Variants in FBXL7 observed in about 807,000 individuals in gnomAD.
FBXL7 encodes F-box/LRR-repeat protein 7.
In FBXL7, 12 loss-of-function variants were observed where a neutral mutation model predicts 38.3. The observed-to-expected ratio is 0.31, with a 90% CI of 0.20 to 0.51. The LOEUF is 0.51. Among genes scored for constraint, FBXL7 ranks in the 20% least tolerant of loss-of-function variants. The pLI, the probability that FBXL7 is intolerant of heterozygous loss-of-function variation, is 0.98. For missense variants in FBXL7, 567 were observed against 676.4 expected (o/e 0.84, Z 1.79); for synonymous variants, 297 against 300.9 (o/e 0.99, Z 0.13).
chr5:15,717,800 A>G lies in FBXL7; in HGVS notation c.127+101728A>G, dbSNP rs576752618. Among the ~76,000 whole-genome samples the G allele has an allele frequency of 9.8e-5, 15 of 152,330 alleles. 1 individual carries two copies. The East Asian group carries it at 2.7e-3, about 27-fold the overall frequency. On this transcript the variant is annotated intron_variant, in intron 2 of 3. Coordinates refer to ENST00000504595, the MANE Select transcript of FBXL7 (RefSeq NM_012304.5). ...TGCCCTGAGCTCTTAAAAAATGCCA[A>G]TGTCATGAAAGATAGAAGAGCCCGG... is the stretch of plus-strand genomic sequence containing the variant.
In FBXL7 at chr5:15,583,740, A is replaced by G. The variant is rs936508044; in HGVS notation, c.38-32243A>G. Among the ~76,000 whole-genome samples the G allele has an allele frequency of 1.6e-4, 24 of 152,262 alleles. No homozygotes were observed. The East Asian group carries it at 4.6e-3, about 29-fold the overall frequency. ...GCAGCATTTCCTGGCACATGATGCA[A>G]GCTGTTGGTGGATCTACCATTCTGG... On this transcript the variant is annotated intron_variant, in intron 1 of 3. Coordinates refer to ENST00000504595, the MANE Select transcript of FBXL7 (RefSeq NM_012304.5).
chr5:15,528,389 A>G (rs959428445), intron 1 of FBXL7, among the ~76,000 whole-genome samples: 2 of 152,086 alleles, frequency 1.3e-5, no homozygotes, highest in Non-Finnish European at 2.9e-5. Context: ...CACATTCTGT[A>G]TTGGTCCATT....
intron 2 of FBXL7, among the ~76,000 whole-genome samples, chr5:15,905,918 G>A (rs899898589): frequency 6.6e-6 from 1 of 151,926 alleles, no homozygotes; most frequent in South Asian, 2.1e-4. Flanking sequence ...CTTCCTGGAG[G>A]GAACAGGAAG....
chr5:15,872,565 C>CAA, intron 2 of FBXL7, among the ~76,000 whole-genome samples: 1 of 151,816 alleles, frequency 6.6e-6, no homozygotes, highest in South Asian at 2.1e-4. Context: ...CACATAGGCT[C>CAA]AAAATAAGCA....
intron 1 of FBXL7, among the ~76,000 whole-genome samples, chr5:15,561,467 TG>T (rs1361603469): frequency 2.0e-5 from 3 of 152,200 alleles, no homozygotes; most frequent in Non-Finnish European, 4.4e-5. Flanking sequence ...CATCCGCTGA[TG>T]GATATTTAGG....
At chr5:15,763,713 G>A (rs1736512680) in intron 2 of FBXL7, among the ~76,000 whole-genome samples, 1 of 152,166 alleles carries the variant, frequency 6.6e-6, no homozygotes, top group Non-Finnish European at 1.5e-5. Context: ...AAAACAAAAT[G>A]CGTGATGTTC....
chr5:15,891,871 C>T lies in FBXL7; in HGVS notation c.128-36019C>T, dbSNP rs189194474. Among the ~76,000 whole-genome samples, 10 of 152,248 alleles carry T rather than the reference C, an allele frequency of 6.6e-5. No homozygotes were observed. In the East Asian group the frequency reaches 7.7e-4, roughly 12 times the overall value. On this transcript the variant is annotated intron_variant, in intron 2 of 3. Coordinates refer to ENST00000504595, the MANE Select transcript of FBXL7 (RefSeq NM_012304.5). ...CTGAAGGGGCAGAGGGAGAGAGTGGCGGTGTTGGAACTTAGCAAGAGCTGT... is the reference window on the plus strand; with the variant it reads ...CTGAAGGGGCAGAGGGAGAGAGTGGTGGTGTTGGAACTTAGCAAGAGCTGT...
At chr5:15,867,679 C>T (rs1739773509) in intron 2 of FBXL7, among the ~76,000 whole-genome samples, 1 of 152,152 alleles carries the variant, frequency 6.6e-6, no homozygotes, top group Non-Finnish European at 1.5e-5. Context: ...ATCTTGATTA[C>T]TTAAGTGGGC....
intron 2 of FBXL7, among the ~76,000 whole-genome samples, chr5:15,673,896 A>G (rs1742567644): frequency 6.6e-6 from 1 of 152,196 alleles, no homozygotes; most frequent in South Asian, 2.1e-4. Flanking sequence ...ATGTGACTCA[A>G]AGACAACTTA....
intron 2 of FBXL7, among the ~76,000 whole-genome samples, chr5:15,843,488 G>A (rs257768): frequency 0.58 from 88,280 of 151,936 alleles, 25,964 homozygotes; most frequent in Middle Eastern, 0.64. Flanking sequence ...CTTTCCTTCT[G>A]TTTGGTTGAG....
chr5:15,783,323 G>T lies in FBXL7; in HGVS notation c.128-144567G>T, dbSNP rs142197246. Among the ~76,000 whole-genome samples the T allele has an allele frequency of 3.3e-5, 5 of 152,296 alleles. No homozygotes were observed. In the East Asian group the frequency reaches 9.7e-4, roughly 29 times the overall value. ...AGGAGGGGAGGCAGGGACCTGCATG[G>T]TGCAGTTCCTGGAAATGAGAAGGTC... On this transcript the variant is annotated intron_variant, in intron 2 of 3. Transcript: ENST00000504595.
chr5:15,855,824 C>T lies in FBXL7; in HGVS notation c.128-72066C>T, dbSNP rs112335277. 5.1e-3 allele frequency among the ~76,000 whole-genome samples: 770 copies of T among 152,206 alleles called. 10 individuals carry two copies. The highest frequency in any genetic ancestry group is 0.018 in the African/African-American group (730 of 41,520). ...GGAGAGTTCCATATTATCCATTTTA[C>T]AACTAAGGAAATAAGAACAGAGAGT... On this transcript the variant is annotated intron_variant, in intron 2 of 3. Coordinates refer to ENST00000504595, the MANE Select transcript of FBXL7 (RefSeq NM_012304.5).
chr5:15,786,253 G>T (rs1393989706), intron 2 of FBXL7, among the ~76,000 whole-genome samples: 1 of 152,084 alleles, frequency 6.6e-6, no homozygotes, highest in African/African-American at 2.4e-5. Flanking sequence ...GGTGAGGGGG[G>T]TGTTTCCTCC....
chr5:15,634,313 CTTTTT>C (rs57823645), intron 2 of FBXL7, among the ~76,000 whole-genome samples: 1,687 of 112,254 alleles, frequency 0.015, 27 homozygotes, highest in African/African-American at 0.049. Context: ...ATGTTCGTTT[CTTTTT>C]TTTTTTTTTT....
At chr5:15,853,988 C>A (rs948636059) in intron 2 of FBXL7, among the ~76,000 whole-genome samples, 1 of 152,140 alleles carries the variant, frequency 6.6e-6, no homozygotes, top group African/African-American at 2.4e-5. Context: ...AGATTGTTTT[C>A]ATCAACATCT....
intron 1 of FBXL7, among the ~76,000 whole-genome samples, chr5:15,592,160 T>A (rs1477135063): frequency 6.6e-6 from 1 of 152,234 alleles, no homozygotes; most frequent in Non-Finnish European, 1.5e-5. Flanking sequence ...GAAATGAGGC[T>A]CAGAGAACTT....
intron 2 of FBXL7, among the ~76,000 whole-genome samples, chr5:15,875,932 A>G (rs558563667): frequency 6.6e-6 from 1 of 152,312 alleles, no homozygotes; most frequent in South Asian, 2.1e-4. Flanking sequence ...AAATCATTCT[A>G]CTATAAAGAC....
chr5:15,553,070 G>A (rs946076346), intron 1 of FBXL7, among the ~76,000 whole-genome samples: 1 of 142,298 alleles, frequency 7.0e-6, no homozygotes, highest in Non-Finnish European at 1.5e-5. Flanking sequence ...GACAGAGTAA[G>A]ACTCCATGTC....
intron 2 of FBXL7, among the ~76,000 whole-genome samples, chr5:15,708,776 GTTTA>G (rs1743768789): frequency 6.6e-6 from 1 of 152,028 alleles, no homozygotes. Context: ...TTGGTGTTTT[GTTTA>G]TTTGTTTTCA....
Sources: gnomAD v4.1 joint callset for allele counts (sites outside exome capture counted in the v4.1 genomes callset) on GRCh38, gnomAD v4.1.1 for gene constraint, MANE v1.5 for transcripts, NCBI Gene and HGNC (gene_info 2026-07-23, HGNC 2026-07-21) for gene names.